The following PYGB variants were observed in gnomAD, a reference collection of about 807,000 sequenced individuals.
PYGB encodes the protein glycogen phosphorylase, brain form.
A neutral mutation model predicts 94.3 loss-of-function variants in PYGB; 82 were observed. The observed-to-expected ratio is 0.87, with a 90% confidence interval of 0.73 to 1.04. The LOEUF (loss-of-function observed/expected upper bound fraction) is 1.04, where lower values mean the gene tolerates loss of function less well. Ranked by LOEUF, PYGB falls within the 50% of genes least tolerant of loss-of-function variation. PYGB has a pLI of 0.00. For missense variants in PYGB, 1,132 were observed against 1,158.2 expected (o/e 0.98, Z 0.33); for synonymous variants, 488 against 479.1 (o/e 1.02, Z -0.24).
chr20:25,296,243 C>T (rs971572036), intron 19 of PYGB, 127 bp from the exon 20 acceptor site: 79 of 1,168,904 alleles, frequency 6.8e-5, no homozygotes, highest in Admixed American at 3.0e-4. Context: ...TAATGTCCTC[C>T]TCTTCCAGCG....
chr20:25,268,773 T>C (rs1228240236), intron 2 of PYGB, among the ~76,000 whole-genome samples: 2 of 152,258 alleles, frequency 1.3e-5, no homozygotes, highest in African/African-American at 2.4e-5. Flanking sequence ...TTGAATACAA[T>C]TGGAATCACC....
chr20:25,276,540 GGCC>G, intron 5 of PYGB, 103 bp from the exon 6 acceptor site: 3 of 859,226 alleles, frequency 3.5e-6, no homozygotes, highest in Non-Finnish European at 5.6e-6. Context: ...GACGGTGGGG[GGCC>G]AGCAGGGCGC....
At chr20:25,259,174 T>C in intron 1 of PYGB, 63 bp from the exon 2 acceptor site, 1 of 1,403,128 alleles carries the variant, frequency 7.1e-7, no homozygotes, top group Non-Finnish European at 1.0e-6. Flanking sequence ...TCGTGTCATC[T>C]CTGTAACCTT....
At chr20:25,288,551 C>CCATGAGAAGCGTGCAG in intron 15 of PYGB, 68 bp downstream of exon 15, 1 of 1,541,630 alleles carries the variant, frequency 6.5e-7, no homozygotes, top group Non-Finnish European at 8.9e-7. Context: ...GCAGCCTGCA[C>CCATGAGAAGCGTGCAG]GCTTCTCATG....
chr20:25,276,860 G>A, intron 6 of PYGB, 103 bp downstream of exon 6: 2 of 1,055,602 alleles, frequency 1.9e-6, no homozygotes, highest in East Asian at 5.2e-5. Context: ...CTGTCCTGGA[G>A]GCCGCGCGGC....
intron 3 of PYGB, among the ~76,000 whole-genome samples, chr20:25,270,948 A>AGCT (rs2088261215): frequency 6.6e-6 from 1 of 152,250 alleles, no homozygotes; most frequent in Non-Finnish European, 1.5e-5. Flanking sequence ...GTATGCAGCC[A>AGCT]GCTGCCACTG....
At chr20:25,293,979 G>C in intron 17 of PYGB, 179 bp from the exon 18 acceptor site, 1 of 704,400 alleles carries the variant, frequency 1.4e-6, no homozygotes, top group Non-Finnish European at 2.3e-6. Context: ...GCTCGAGCAG[G>C]TCCCTGCTCA....
chr20:25,279,443 G>A (rs903843029), intron 9 of PYGB, among the ~76,000 whole-genome samples: 7 of 152,174 alleles, frequency 4.6e-5, no homozygotes, highest in Non-Finnish European at 7.4e-5. Flanking sequence ...TCCCCAAAGC[G>A]TTAAGTGTTT....
chr20:25,260,190 T>C (rs1439369099), intron 2 of PYGB, among the ~76,000 whole-genome samples: 3 of 152,204 alleles, frequency 2.0e-5, no homozygotes, highest in Admixed American at 2.0e-4. Flanking sequence ...TAGCTAATGG[T>C]GCTAAAGGTT....
At chr20:25,271,063 C>A (rs1210938749) in intron 3 of PYGB, among the ~76,000 whole-genome samples, 1 of 152,124 alleles carries the variant, frequency 6.6e-6, no homozygotes, top group South Asian at 2.1e-4. Context: ...ATTGGCGAGG[C>A]CTCAGCCTCA....
Position 25,248,297 on chromosome 20 carries a change from T to G in PYGB, c.119T>G (p.Leu40Arg). ...TTCAACCGGCACTTGCACTTCACGC[T>G]GGTCAAGGACCGCAATGTGGCCACG... ...KSFNRHLHFT[L>R]VKDRNVATPR... Residue 40 changes from leucine to arginine, a missense_variant, in exon 1 of 20, where the codon CTG becomes CGG. Coordinates refer to ENST00000216962, the MANE Select transcript of PYGB (RefSeq NM_002862.4). The G allele has an allele frequency of 1.2e-6, 2 of 1,605,002 alleles. No homozygotes were observed. Among genetic ancestry groups the G allele is most frequent in the Non-Finnish European group, 1.7e-6 (2 of 1,176,256 alleles).
chr20:25,256,674 G>A (rs1300025819), intron 1 of PYGB, among the ~76,000 whole-genome samples: 1 of 152,184 alleles, frequency 6.6e-6, no homozygotes, highest in Non-Finnish European at 1.5e-5. Flanking sequence ...GATCGTGTTG[G>A]CATTTTCAGG....
intron 2 of PYGB, among the ~76,000 whole-genome samples, chr20:25,260,140 A>T (rs947693813): frequency 1.3e-5 from 2 of 152,174 alleles, no homozygotes; most frequent in Non-Finnish European, 2.9e-5. Flanking sequence ...GTCTGTGCTC[A>T]ACAAAATGCA....
chr20:25,275,363 G>A (rs895980949), intron 5 of PYGB, among the ~76,000 whole-genome samples: 8 of 152,236 alleles, frequency 5.3e-5, no homozygotes, highest in African/African-American at 1.7e-4. Context: ...TCCAGGCTCC[G>A]GGCAGCTGTA....
At chr20:25,289,488 G>A (rs2424703) in intron 15 of PYGB, among the ~76,000 whole-genome samples, 86,763 of 151,764 alleles carry the variant, frequency 0.57, 26,328 homozygotes, top group East Asian at 0.98. Context: ...CTACAAAAAA[G>A]TGCAAAAATT....
At chr20:25,263,726 A>G (rs1287513674) in intron 2 of PYGB, among the ~76,000 whole-genome samples, 4 of 152,192 alleles carry the variant, frequency 2.6e-5, no homozygotes, top group Non-Finnish European at 5.9e-5. Context: ...CCAAGACTAA[A>G]CCAGGAAGAA....
intron 2 of PYGB, among the ~76,000 whole-genome samples, chr20:25,260,569 A>G (rs1223584142): frequency 6.6e-6 from 1 of 152,186 alleles, no homozygotes; most frequent in African/African-American, 2.4e-5. Flanking sequence ...GATGCAGAAG[A>G]TGGGTGATTT....
chr20:25,288,678 C>A, intron 15 of PYGB, 195 bp downstream of exon 15: 1 of 644,592 alleles, frequency 1.6e-6, no homozygotes, highest in South Asian at 2.0e-5. Flanking sequence ...CTCCTGCCTG[C>A]CCAGCTCACT....
At chr20:25,270,676 A>G (rs1390719061) in intron 3 of PYGB, among the ~76,000 whole-genome samples, 1 of 151,964 alleles carries the variant, frequency 6.6e-6, no homozygotes, top group Admixed American at 6.6e-5. Flanking sequence ...TGTATTTTTT[A>G]TAGAGACAGG....
Sources: gnomAD v4.1 joint callset for allele counts (sites outside exome capture counted in the v4.1 genomes callset) on GRCh38, gnomAD v4.1.1 for gene constraint, MANE v1.5 for transcripts, NCBI Gene and HGNC (gene_info 2026-07-23, HGNC 2026-07-21) for gene names.